CACNA1B: variants seen among roughly 807,000 people sequenced by gnomAD.
The protein encoded by CACNA1B is voltage-dependent N-type calcium channel subunit alpha-1B.
A neutral mutation model predicts 247.2 loss-of-function variants in CACNA1B; 70 were observed. That is an observed-to-expected ratio of 0.28 (90% CI 0.23 to 0.35). The LOEUF is 0.35. CACNA1B is among the 10% of genes least tolerant of loss of function. The pLI, the probability that CACNA1B is intolerant of heterozygous loss-of-function variation, is 1.00. For missense variants in CACNA1B, 2,367 were observed against 3,197.4 expected (o/e 0.74, Z 6.26); for synonymous variants, 1,231 against 1,294.4 (o/e 0.95, Z 1.05).
At position 137,924,648 on chromosome 9, in the gene CACNA1B, T is replaced by C. The variant is rs141137584; in HGVS notation, c.966+7217T>C. Among the ~76,000 whole-genome samples the C allele has an allele frequency of 1.0e-2, 1,519 of 152,356 alleles. 33 individuals are homozygous for C. The highest frequency in any genetic ancestry group is 0.034 in the African/African-American group (1,421 of 41,576). On this transcript the variant is annotated intron_variant, in intron 6 of 46. Transcript: ENST00000371372. ...TTGACATCATTACTATGTTGGATGTTCCATGTCCAATCAGAACATGTTATT... is the reference window on the plus strand; with the variant it reads ...TTGACATCATTACTATGTTGGATGTCCCATGTCCAATCAGAACATGTTATT...
chr9:138,121,614 A>T lies in CACNA1B; in HGVS notation c.6635A>T (p.His2212Leu). Residue 2212 changes from histidine to leucine, a missense_variant, in exon 47 of 47, where the codon CAC becomes CTC. By Grantham distance (99) the His-to-Leu change is moderately conservative. Transcript: ENST00000371372. This position sits in a 1 kb window ranked among gnomAD's most constrained non-coding sequence, Gnocchi z 6.8. ...AAGACGGCCAACTCCTCACCCATCCACTTCGCCGGGGCTCAGACCAGCCTC... is the reference window on the plus strand; with the variant it reads ...AAGACGGCCAACTCCTCACCCATCCTCTTCGCCGGGGCTCAGACCAGCCTC... ...TYKTANSSPI[H>L]FAGAQTSLPA... The T allele has an allele frequency of 6.2e-7, 1 of 1,611,150 alleles. No individual in the cohort carries two copies. Among genetic ancestry groups the T allele is most frequent in the Non-Finnish European group, 8.5e-7 (1 of 1,178,972 alleles).
In CACNA1B at chr9:137,888,849, G is replaced by T; in HGVS notation, c.530+5966G>T. ...GCAGGCACTTCTCAGGGAGAAGCCA[G>T]GCCCAGCTCAGGGCCCCACAGAGGG... On this transcript the variant is annotated intron_variant, in intron 3 of 46. Coordinates refer to ENST00000371372, the MANE Select transcript of CACNA1B (RefSeq NM_000718.4). This position sits in a 1 kb window ranked among gnomAD's most constrained non-coding sequence, Gnocchi z 4.7. 6.6e-6 allele frequency among the ~76,000 whole-genome samples: 1 copy of T among 152,208 alleles called. No homozygotes were observed. Among genetic ancestry groups the T allele is most frequent in the East Asian group, 1.9e-4 (1 of 5,200 alleles).
rs570159360 is a variant in CACNA1B, at chr9:138,090,692, A to G, written c.5095-5792A>G. On this transcript the variant is annotated intron_variant, in intron 36 of 46. Transcript: ENST00000371372. ...TCCAAAATATACAAGGTGAAACTCA[A>G]CCCATCAGCAAAAAAAAAAAAAAAA... Among the ~76,000 whole-genome samples, 25 of 130,098 alleles carry G rather than the reference A, an allele frequency of 1.9e-4. 1 individual carries two copies. The highest frequency in any genetic ancestry group is 1.6e-3 in the Admixed American group (19 of 11,974). 85.3% of individuals were successfully genotyped at this position (130,098 alleles called of 152,430 possible). A position where few individuals can be genotyped will look rare whatever the true frequency, so the allele number is the denominator to read the frequency against.
chr9:137,916,272 A>G (rs760351364), intron 5 of CACNA1B, among the ~76,000 whole-genome samples: 1 of 152,118 alleles, frequency 6.6e-6, no homozygotes, highest in Non-Finnish European at 1.5e-5. Flanking sequence ...AGCTCAGACA[A>G]TCTGCCCACC....
At chr9:138,105,493 C>T (rs1368421329) in intron 38 of CACNA1B, among the ~76,000 whole-genome samples, 2 of 152,212 alleles carry the variant, frequency 1.3e-5, no homozygotes, top group Non-Finnish European at 2.9e-5. Context: ...GGAGGGTCCT[C>T]AGCTAGATTT....
chr9:138,001,554 C>A (rs762679028), intron 15 of CACNA1B, among the ~76,000 whole-genome samples: 2 of 151,734 alleles, frequency 1.3e-5, no homozygotes, highest in Non-Finnish European at 2.9e-5. Flanking sequence ...AGGATGCCTA[C>A]TATTCAAGCA....
chr9:137,966,818 G>A (rs755822150), intron 10 of CACNA1B, among the ~76,000 whole-genome samples: 25 of 152,272 alleles, frequency 1.6e-4, no homozygotes, highest in South Asian at 4.2e-4. Context: ...GATTACAGGC[G>A]TGAGCCACCG....
rs917427367 is a variant in CACNA1B at position 138,052,458 on chromosome 9, A to G, written c.3807+270A>G. Among the ~76,000 whole-genome samples the G allele has an allele frequency of 3.9e-5, 6 of 152,106 alleles. No homozygotes were observed. Among genetic ancestry groups the G allele is most frequent in the African/African-American group, 1.4e-4 (6 of 41,412 alleles). On this transcript the variant is annotated intron_variant, in intron 25 of 46. Transcript: ENST00000371372. This position sits in a 1 kb window ranked among gnomAD's most constrained non-coding sequence, Gnocchi z 5.1. ...CAGCAGCTGCAGTGCAGTGCGGGAA[A>G]GGCTGCCGGGACAGGTGCAGGGTGG... is the stretch of plus-strand genomic sequence containing the variant.
In CACNA1B at chr9:138,046,850, G is replaced by C. The variant is rs530469337; in HGVS notation, c.3414-54G>C. ...ACGGGCTGAGCCTGCCCTGTGGCAA[G>C]GGGTGGCGCGCCCGGCTGGGGGGCC... On this transcript the variant is annotated intron_variant, in intron 21 of 46. Coordinates refer to ENST00000371372, the MANE Select transcript of CACNA1B (RefSeq NM_000718.4). The C allele has an allele frequency of 2.2e-5, 34 of 1,577,646 alleles. No individual in the cohort carries two copies. The African/African-American group carries it at 3.5e-4, about 16-fold the overall frequency.
intron 13 of CACNA1B, among the ~76,000 whole-genome samples, chr9:137,985,887 C>G (rs1958354342): frequency 6.6e-6 from 1 of 152,218 alleles, no homozygotes; most frequent in South Asian, 2.1e-4. Flanking sequence ...TACAAGCTCT[C>G]CACGCCGCGT....
rs1019179673 is a variant in CACNA1B, at chr9:138,100,219, A to G, written c.5223-2492A>G. Among the ~76,000 whole-genome samples, 1 of 152,208 alleles carries G rather than the reference A, an allele frequency of 6.6e-6. No homozygotes were observed. The highest frequency in any genetic ancestry group is 1.5e-5 in the Non-Finnish European group (1 of 68,030). ...AGAGGGAGGCCAGGTGGCTTCTGTC[A>G]GGCTGGAGAGGAGAGTGCATTGCAG... On this transcript the variant is annotated intron_variant, in intron 37 of 46. Coordinates refer to ENST00000371372, the MANE Select transcript of CACNA1B (RefSeq NM_000718.4). This position sits in a 1 kb window ranked among gnomAD's most constrained non-coding sequence, Gnocchi z 4.6.
chr9:138,064,635 A>G (rs1478597758), intron 31 of CACNA1B, among the ~76,000 whole-genome samples: 1 of 152,212 alleles, frequency 6.6e-6, no homozygotes, highest in Admixed American at 6.5e-5. Context: ...TGCCAATGCC[A>G]TGGCTGATTA....
chr9:137,971,472 A>T lies in CACNA1B; in HGVS notation c.1423A>T (p.Ile475Phe). Residue 475 changes from isoleucine to phenylalanine, a missense_variant, in exon 11 of 47, where the codon ATC becomes TTC. Coordinates refer to ENST00000371372, the MANE Select transcript of CACNA1B (RefSeq NM_000718.4). This position sits in a 1 kb window ranked among gnomAD's most constrained non-coding sequence, Gnocchi z 4.4. ...GAAGGAGAAGATGTTCCGGTTTTTTATCCGGCGCATGGTGAAGGCTCAGAG... is the reference window on the plus strand; with the variant it reads ...GAAGGAGAAGATGTTCCGGTTTTTTTTCCGGCGCATGGTGAAGGCTCAGAG... ...RRKEKMFRFF[I>F]RRMVKAQSFY... 1 of 1,613,612 alleles carries T rather than the reference A, an allele frequency of 6.2e-7. No homozygotes were observed.
chr9:138,015,812 C>T (rs564113393), intron 18 of CACNA1B, among the ~76,000 whole-genome samples: 1 of 152,306 alleles, frequency 6.6e-6, no homozygotes, highest in Admixed American at 6.5e-5. Context: ...TAAGGTGGGC[C>T]TCAGGTGACA....
chr9:137,940,301 T>A (rs1193783536), intron 6 of CACNA1B, among the ~76,000 whole-genome samples: 2 of 152,130 alleles, frequency 1.3e-5, no homozygotes, highest in African/African-American at 4.8e-5. Flanking sequence ...CCTTTACCCA[T>A]GTAAACTAGA....
Position 137,998,231 on chromosome 9 carries a change from T to C in CACNA1B, c.1975-8536T>C, listed in dbSNP as rs547171446. On this transcript the variant is annotated intron_variant, in intron 15 of 46. Transcript: ENST00000371372. ...ACACAGAGGTTTGTTAAATTATTCA[T>C]TGCATCTTTCGGAGTGTTTAAAATA... is the stretch of plus-strand genomic sequence containing the variant. Among the ~76,000 whole-genome samples, 3 of 152,286 alleles carry C rather than the reference T, an allele frequency of 2.0e-5. No individual in the cohort carries two copies. In the East Asian group the frequency reaches 5.8e-4, roughly 29 times the overall value.
intron 12 of CACNA1B, 40 bp from the exon 13 acceptor site, chr9:137,984,098 C>T: frequency 7.0e-7 from 1 of 1,438,086 alleles, no homozygotes; most frequent in Non-Finnish European, 9.6e-7. Context: ...TGCACAGGTG[C>T]AGATACGGTG....
chr9:137,999,697 G>A lies in CACNA1B; in HGVS notation c.1975-7070G>A, dbSNP rs145061623. Among the ~76,000 whole-genome samples, 35 of 152,000 alleles carry A rather than the reference G, an allele frequency of 2.3e-4. No homozygotes were observed. In the East Asian group the frequency reaches 5.2e-3, roughly 23 times the overall value. On this transcript the variant is annotated intron_variant, in intron 15 of 46. Coordinates refer to ENST00000371372, the MANE Select transcript of CACNA1B (RefSeq NM_000718.4). Reference sequence around the variant, plus strand: ...GCTAATTTCTATTTTTTGTAGAGACGTGGTCTCACAATGTTGCCCAGGCTG... The same window carrying A: ...GCTAATTTCTATTTTTTGTAGAGACATGGTCTCACAATGTTGCCCAGGCTG...
chr9:138,019,850 C>A (rs1293046938), intron 18 of CACNA1B, among the ~76,000 whole-genome samples: 1 of 152,072 alleles, frequency 6.6e-6, no homozygotes, highest in South Asian at 2.1e-4. Flanking sequence ...TGTAATCTAG[C>A]ACTTTGGGAG....
Sources: gnomAD v4.1 joint callset for allele counts (sites outside exome capture counted in the v4.1 genomes callset) on GRCh38, gnomAD v4.1.1 for gene constraint, Gnocchi (gnomAD v3.1) non-coding constraint, MANE v1.5 for transcripts, NCBI Gene and HGNC (gene_info 2026-07-23, HGNC 2026-07-21) for gene names.